The following SNX31 variants were observed in gnomAD, a reference collection of about 807,000 sequenced individuals.
SNX31 encodes the protein sorting nexin 31, also known as sorting nexin-31.
SNX31 carries 58 observed loss-of-function variants against 65.4 expected under a neutral mutation model. The observed-to-expected ratio is 0.89, with a 90% confidence interval of 0.72 to 1.10. SNX31 has a LOEUF of 1.10. Ranked by LOEUF, SNX31 falls within the 50% of genes least tolerant of loss-of-function variation. The probability of loss-of-function intolerance (pLI) is 0.00; values close to 1 mark genes in which losing one functional copy is unlikely to be tolerated. For synonymous variants in SNX31, 181 were observed against 190.1 expected (o/e 0.95, Z 0.39); for missense variants, 523 against 529.7 (o/e 0.99, Z 0.12).
rs113341718 is a variant in SNX31 at position 100,596,818 on chromosome 8, G to T, written c.799C>A (p.Arg267=). Residue 267 remains arginine, a synonymous_variant, in exon 10 of 14, where the codon CGG becomes AGG. Coordinates refer to ENST00000311812, the MANE Select transcript of SNX31 (RefSeq NM_152628.4). The stretch of plus-strand genomic sequence containing the variant: ...TCCAGCTGCAGGTATCCATAGTGCC[G>T]TACCTCCCGGGCCAGCTCCAAAAAC... The part of the protein sequence containing the change: ...TKFLELAREV[R]HYGYLQLDPC... The T allele has an allele frequency of 1.9e-6, 3 of 1,613,594 alleles. No individual in the cohort carries two copies. Among genetic ancestry groups the T allele is most frequent in the Non-Finnish European group, 2.5e-6 (3 of 1,180,002 alleles).
intron 5 of SNX31, among the ~76,000 whole-genome samples, chr8:100,616,025 T>C (rs750803265): frequency 3.3e-5 from 5 of 152,148 alleles, no homozygotes; most frequent in African/African-American, 4.8e-5. Context: ...CCGCCCACCT[T>C]GGCCTCCCAA....
Position 100,596,717 on chromosome 8 carries a change from G to A in SNX31, c.900C>T (p.Cys300=), listed in dbSNP as rs377507284. The change falls in exon 10 of 14, where the codon TGC becomes TGT. Residue 300 remains cysteine (C), a synonymous_variant. Coordinates refer to ENST00000311812, the MANE Select transcript of SNX31 (RefSeq NM_152628.4). The stretch of plus-strand genomic sequence containing the variant: ...GGGTCTGGCTGTCAGGCAGGGTGAT[G>A]CAGCAGCTGATCTCATTATTGCCAA... ...LSVGNNEISC[C]ITLPDSQTQD... The A allele has an allele frequency of 5.0e-6, 8 of 1,614,150 alleles. No individual in the cohort carries two copies. Among genetic ancestry groups the A allele is most frequent in the Middle Eastern group, 1.7e-4 (1 of 6,058 alleles).
Position 100,649,279 on chromosome 8 carries a change from C to G in SNX31, c.136G>C (p.Glu46Gln), listed in dbSNP as rs1294192656. 1 of 1,614,006 alleles carries G rather than the reference C, an allele frequency of 6.2e-7. No individual in the cohort carries two copies. The highest frequency in any genetic ancestry group is 1.1e-5 in the South Asian group (1 of 91,062). The change falls in exon 2 of 14, where the codon GAA (glutamate) becomes CAA (glutamine). Residue 46 changes from glutamate to glutamine, a missense_variant. Physicochemically the swap from Glu to Gln is conservative, Grantham distance 29. Transcript: ENST00000311812. ...CCCGCCTCCAATCTGCTCACCTGTT[C>G]GTTCCAACCGTGCAGCTGGCTGTAG... is the stretch of plus-strand genomic sequence containing the variant. Reference protein sequence around the residue: ...VRYSQLHGWNEQLRRVFGNCL... With the variant: ...VRYSQLHGWNQQLRRVFGNCL...
chr8:100,589,046 C>T (rs1243069137), intron 10 of SNX31, 67 bp from the exon 11 acceptor site: 2 of 1,281,946 alleles, frequency 1.6e-6, no homozygotes, highest in Non-Finnish European at 2.2e-6. Flanking sequence ...GGCACGGTGG[C>T]TCACACCTGA....
intron 5 of SNX31, among the ~76,000 whole-genome samples, chr8:100,616,007 C>T (rs377527333): frequency 1.3e-5 from 2 of 152,198 alleles, no homozygotes; most frequent in East Asian, 3.9e-4. Flanking sequence ...ATCTCCTGAC[C>T]TCGTGATCCG....
intron 5 of SNX31, among the ~76,000 whole-genome samples, chr8:100,616,932 A>G (rs1817259963): frequency 1.3e-5 from 2 of 152,064 alleles, no homozygotes; most frequent in African/African-American, 4.8e-5. Context: ...TCTCTGGAGG[A>G]TTAGAGCTAA....
intron 1 of SNX31, among the ~76,000 whole-genome samples, chr8:100,658,133 G>A (rs1820080677): frequency 6.6e-6 from 1 of 152,160 alleles, no homozygotes; most frequent in African/African-American, 2.4e-5. Context: ...CCTGGGCATC[G>A]GGATGCTAAT....
Position 100,578,290 on chromosome 8 carries a change from T to C in SNX31, c.1171-1215A>G, listed in dbSNP as rs1199492008. On this transcript the variant is annotated intron_variant, in intron 12 of 13. Transcript: ENST00000311812. This position sits in a 1 kb window ranked among gnomAD's most constrained non-coding sequence, Gnocchi z 4.7. ...TCTTAATGGGAAAGAAAAGAACTGCTATGTGCGTTAGGTACATAACTCAAG... is the reference window on the plus strand; with the variant it reads ...TCTTAATGGGAAAGAAAAGAACTGCCATGTGCGTTAGGTACATAACTCAAG... Among the ~76,000 whole-genome samples the C allele has an allele frequency of 1.3e-5, 2 of 152,204 alleles. No homozygotes were observed. The highest frequency in any genetic ancestry group is 2.9e-5 in the Non-Finnish European group (2 of 68,026).
In SNX31 at chr8:100,649,523, G is replaced by A. The variant is rs758142649; in HGVS notation, c.-9C>T. 2 of 1,562,194 alleles carry A rather than the reference G, an allele frequency of 1.3e-6. No homozygotes were observed. The highest frequency in any genetic ancestry group is 1.3e-5 in the African/African-American group (1 of 74,084). The stretch of plus-strand genomic sequence containing the variant: ...CAGAAATGCATCTTCATGGCTGAGC[G>A]GTGTCTTGGGAGTAGCGCTGGGAAC... On this transcript the variant is annotated 5_prime_UTR_variant, in exon 1 of 14. Transcript: ENST00000311812.
chr8:100,619,084 C>A (rs1817492070), intron 4 of SNX31: 1 of 152,110 alleles, frequency 6.6e-6, no homozygotes, highest in Non-Finnish European at 1.5e-5. Context: ...GGTGACCAGT[C>A]CGCATCCTGA....
At chr8:100,644,248 C>T (rs1159508105) in intron 2 of SNX31, among the ~76,000 whole-genome samples, 3 of 152,210 alleles carry the variant, frequency 2.0e-5, no homozygotes, top group Non-Finnish European at 2.9e-5. Context: ...GCTTTCCCAA[C>T]TTGTCCCCAT....
intron 2 of SNX31, among the ~76,000 whole-genome samples, chr8:100,642,850 G>A (rs1480695300): frequency 1.3e-5 from 2 of 152,156 alleles, no homozygotes; most frequent in East Asian, 1.9e-4. Context: ...TTTGTTTGGA[G>A]TATTGTGGGT....
At chr8:100,599,671 A>G (rs1203343951) in intron 9 of SNX31, among the ~76,000 whole-genome samples, 1 of 152,174 alleles carries the variant, frequency 6.6e-6, no homozygotes. Flanking sequence ...AGTTGTGAAC[A>G]TTGGCAAAGT....
rs1818284550 is a variant in SNX31, at chr8:100,629,587, G to A, written c.321+740C>T. Among the ~76,000 whole-genome samples, 1 of 152,062 alleles carries A rather than the reference G, an allele frequency of 6.6e-6. No individual in the cohort carries two copies. Among genetic ancestry groups the A allele is most frequent in the Admixed American group, 6.6e-5 (1 of 15,260 alleles). On this transcript the variant is annotated intron_variant, in intron 4 of 13. Coordinates refer to ENST00000311812, the MANE Select transcript of SNX31 (RefSeq NM_152628.4). The surrounding 1 kb of genome is among the most constrained non-coding windows in gnomAD (Gnocchi z 5.1). ...ATGAATGAAATGTGTTCTCATTTTTGCAAATCTGATCATTCCTCCCCTGGC... is the reference window on the plus strand; with the variant it reads ...ATGAATGAAATGTGTTCTCATTTTTACAAATCTGATCATTCCTCCCCTGGC...
rs1469363483 is a variant in SNX31, at chr8:100,604,889, GCTT to G, written c.681+3602_681+3604del. ...ATGTTAACTTTTTTAAAGAATGACTGCTTCTTAGTCTTTTTTTTTCTTTTTTTT... is the reference window on the plus strand; with the variant it reads ...ATGTTAACTTTTTTAAAGAATGACTGCTTAGTCTTTTTTTTTCTTTTTTTT... On this transcript the variant is annotated intron_variant, in intron 8 of 13. Transcript: ENST00000311812. This position sits in a 1 kb window ranked among gnomAD's most constrained non-coding sequence, Gnocchi z 4.3. Among the ~76,000 whole-genome samples the G allele has an allele frequency of 1.3e-5, 2 of 151,918 alleles. No individual in the cohort carries two copies. The highest frequency in any genetic ancestry group is 1.3e-4 in the Admixed American group (2 of 15,256).
rs1816605349 is a variant in SNX31, at chr8:100,610,386, TCAC to T, written c.611+1611_611+1613del. On this transcript the variant is annotated intron_variant, in intron 7 of 13. Coordinates refer to ENST00000311812, the MANE Select transcript of SNX31 (RefSeq NM_152628.4). This position sits in a 1 kb window ranked among gnomAD's most constrained non-coding sequence, Gnocchi z 4.0. ...TTTTTTTTTTTTTTGCTTCCTATAA[TCAC>T]CATCATCATCAATATAACAGTCACA... 1.3e-5 allele frequency among the ~76,000 whole-genome samples: 2 copies of T among 150,668 alleles called. No homozygotes were observed. The highest frequency in any genetic ancestry group is 3.0e-5 in the Non-Finnish European group (2 of 67,778).
In SNX31 at chr8:100,575,056, G is replaced by T. The variant is rs2130749806; in HGVS notation, c.1228-1096C>A. ...TCTCAAAGACACGGTTATGGAAAGTGGAAAGTGAAAAAAAAAATGTGGAGC... is the reference window on the plus strand; with the variant it reads ...TCTCAAAGACACGGTTATGGAAAGTTGAAAGTGAAAAAAAAAATGTGGAGC... On this transcript the variant is annotated intron_variant, in intron 13 of 13. Transcript: ENST00000311812. This position sits in a 1 kb window ranked among gnomAD's most constrained non-coding sequence, Gnocchi z 5.1. 6.6e-6 allele frequency among the ~76,000 whole-genome samples: 1 copy of T among 152,328 alleles called. No homozygotes were observed. Among genetic ancestry groups the T allele is most frequent in the Admixed American group, 6.5e-5 (1 of 15,310 alleles).
At chr8:100,587,768 G>T (rs565332079) in intron 11 of SNX31, among the ~76,000 whole-genome samples, 2 of 152,114 alleles carry the variant, frequency 1.3e-5, no homozygotes, top group Non-Finnish European at 2.9e-5. Flanking sequence ...ATGTGTTTAA[G>T]GTGTATATGA....
upstream of SNX31, among the ~76,000 whole-genome samples, chr8:100,651,765 A>C (rs1175670257): frequency 6.6e-6 from 1 of 152,228 alleles, no homozygotes; most frequent in Non-Finnish European, 1.5e-5. Context: ...CAATTGCCTG[A>C]AGTAGGTACT....
Sources: gnomAD v4.1 joint callset for allele counts (sites outside exome capture counted in the v4.1 genomes callset) on GRCh38, gnomAD v4.1.1 for gene constraint, Gnocchi (gnomAD v3.1) non-coding constraint, MANE v1.5 for transcripts, NCBI Gene and HGNC (gene_info 2026-07-23, HGNC 2026-07-21) for gene names.